Variants in SLC22A24 observed in about 807,000 individuals in gnomAD.
The protein encoded by SLC22A24 is solute carrier family 22 member 24, also known as steroid transmembrane transporter SLC22A24.
SLC22A24 carries 53 observed loss-of-function variants against 49.8 expected under a neutral mutation model. The ratio of observed to expected loss-of-function variants is 1.06; its 90% CI spans 0.85 to 1.34. The LOEUF is 1.34. Ranked by LOEUF, SLC22A24 falls within the 40% of genes most tolerant of loss-of-function variation. The probability of loss-of-function intolerance (pLI) is 0.00; values close to 1 mark genes in which losing one functional copy is unlikely to be tolerated. For missense variants in SLC22A24, 786 were observed against 675.9 expected (o/e 1.16, Z -1.81); for synonymous variants, 302 against 256.4 (o/e 1.18, Z -1.70).
In SLC22A24 at chr11:63,081,109, C is replaced by T; in HGVS notation, c.1409G>A (p.Gly470Glu). 6.4e-7 allele frequency: 1 copy of T among 1,551,506 alleles called. No individual in the cohort carries two copies. The highest frequency in any genetic ancestry group is 8.7e-7 in the Non-Finnish European group (1 of 1,146,854). The change falls in exon 9 of 10, where the codon GGA becomes GAA. Residue 470 changes from glycine to glutamate, a missense_variant. Transcript: ENST00000612278. The part of the protein sequence containing the change: ...VPTILRSTVA[G>E]INAVSGRTGA... Reference sequence around the variant, plus strand: ...AGTCCTACCGGACACTGCATTGATTCCTGCAACTGTTGACCTTAGAGTGCA... The same window carrying T: ...AGTCCTACCGGACACTGCATTGATTTCTGCAACTGTTGACCTTAGAGTGCA...
At chr11:63,091,841 C>T (rs1414104887) in intron 6 of SLC22A24, among the ~76,000 whole-genome samples, 5 of 152,124 alleles carry the variant, frequency 3.3e-5, no homozygotes, top group South Asian at 4.1e-4. Context: ...CTTTGAAAAC[C>T]GGCACAAGAC....
chr11:63,093,016 A>G (rs2087030386), intron 6 of SLC22A24, among the ~76,000 whole-genome samples: 1 of 152,220 alleles, frequency 6.6e-6, no homozygotes, highest in Admixed American at 6.5e-5. Flanking sequence ...CAACCCCATC[A>G]AAAAGTGGGC....
intron 5 of SLC22A24, among the ~76,000 whole-genome samples, chr11:63,101,789 A>G (rs751565801): frequency 6.6e-6 from 1 of 152,158 alleles, no homozygotes; most frequent in Non-Finnish European, 1.5e-5. Flanking sequence ...TTGCAGCAAC[A>G]TGGATGAAAC....
intron 2 of SLC22A24, among the ~76,000 whole-genome samples, chr11:63,133,431 A>C (rs977282304): frequency 1.3e-5 from 2 of 152,094 alleles, no homozygotes; most frequent in African/African-American, 4.8e-5. Context: ...AGCTATTCCT[A>C]TTCAGCCATC....
chr11:63,108,275 G>A (rs963386539), intron 4 of SLC22A24, among the ~76,000 whole-genome samples: 18 of 152,142 alleles, frequency 1.2e-4, no homozygotes, highest in Non-Finnish European at 2.1e-4. Flanking sequence ...TGCATCCCAG[G>A]GATGAAGCCG....
chr11:63,121,957 T>C (rs1188517404), intron 2 of SLC22A24, among the ~76,000 whole-genome samples: 1 of 152,076 alleles, frequency 6.6e-6, no homozygotes, highest in African/African-American at 2.4e-5. Context: ...AAGCCCTTTA[T>C]GGTGAAAGAT....
chr11:63,130,728 T>A (rs747905827), intron 2 of SLC22A24, among the ~76,000 whole-genome samples: 1 of 152,218 alleles, frequency 6.6e-6, no homozygotes, highest in Admixed American at 6.5e-5. Flanking sequence ...CAGGAATTTA[T>A]CAATTTCTTC....
intron 5 of SLC22A24, among the ~76,000 whole-genome samples, chr11:63,100,661 C>G (rs1054866183): frequency 6.6e-6 from 1 of 152,030 alleles, no homozygotes; most frequent in African/African-American, 2.4e-5. Context: ...CTAAATTATA[C>G]TACAGAGCTG....
chr11:63,101,466 AATT>A (rs2087090412), intron 5 of SLC22A24, among the ~76,000 whole-genome samples: 1 of 151,966 alleles, frequency 6.6e-6, no homozygotes, highest in Admixed American at 6.6e-5. Context: ...GCTGATATTC[AATT>A]ATTAATATCA....
rs541571393 is a variant in SLC22A24 at position 63,119,947 on chromosome 11, C to T, written c.507-612G>A. On this transcript the variant is annotated intron_variant, in intron 2 of 9. Coordinates refer to ENST00000612278, the MANE Select transcript of SLC22A24 (RefSeq NM_001136506.2). ...TTGAGAAGTGTCTGTTCATGTCCTT[C>T]GCCCACTTTTTGATGGGGTTGTTTG... Among the ~76,000 whole-genome samples the T allele has an allele frequency of 1.6e-3, 222 of 140,364 alleles. 1 individual carries two copies. The highest frequency in any genetic ancestry group is 3.8e-3 in the African/African-American group (154 of 40,480). 92.1% of individuals were successfully genotyped at this position (140,364 alleles called of 152,430 possible).
intron 4 of SLC22A24, among the ~76,000 whole-genome samples, chr11:63,113,711 C>T (rs1050365045): frequency 5.3e-5 from 8 of 151,720 alleles, no homozygotes; most frequent in South Asian, 4.2e-4. Flanking sequence ...AAAATTAGCT[C>T]GGCATAGTGG....
chr11:63,087,772 T>A (rs2086996233), intron 6 of SLC22A24, among the ~76,000 whole-genome samples: 1 of 152,148 alleles, frequency 6.6e-6, no homozygotes, highest in Admixed American at 6.5e-5. Context: ...GAGGCTTTAG[T>A]AGGCAGTTTT....
intron 1 of SLC22A24, among the ~76,000 whole-genome samples, chr11:63,135,154 T>C (rs1358067614): frequency 2.0e-5 from 3 of 152,132 alleles, no homozygotes; most frequent in Non-Finnish European, 2.9e-5. Context: ...TTTAAAAATA[T>C]ATAAAACCCC....
intron 6 of SLC22A24, among the ~76,000 whole-genome samples, chr11:63,095,249 A>G (rs1197665196): frequency 3.3e-5 from 5 of 152,034 alleles, no homozygotes; most frequent in Non-Finnish European, 2.9e-5. Flanking sequence ...ATTGATTGAT[A>G]GTTCACTATA....
intron 5 of SLC22A24, 148 bp downstream of exon 5, chr11:63,104,027 G>C (rs992227886): frequency 1.5e-6 from 1 of 651,608 alleles, no homozygotes; most frequent in African/African-American, 1.9e-5. Context: ...TCTTTGACAG[G>C]AGGAAAGATA....
chr11:63,125,078 A>G (rs986943551), intron 2 of SLC22A24, among the ~76,000 whole-genome samples: 10 of 151,786 alleles, frequency 6.6e-5, no homozygotes, highest in African/African-American at 2.4e-4. Context: ...CATTGTGCAC[A>G]TGTACCCTAA....
intron 6 of SLC22A24, among the ~76,000 whole-genome samples, chr11:63,090,471 C>G (rs1163707141): frequency 6.6e-6 from 1 of 152,046 alleles, no homozygotes; most frequent in Non-Finnish European, 1.5e-5. Context: ...AAACATTCCT[C>G]AGCAAATGCA....
At chr11:63,080,888 C>G in intron 9 of SLC22A24, 32 bp downstream of exon 9, 1 of 1,530,766 alleles carries the variant, frequency 6.5e-7, no homozygotes, top group South Asian at 1.2e-5. Flanking sequence ...TAGCCACTCC[C>G]CACTCAAGTG....
intron 4 of SLC22A24, among the ~76,000 whole-genome samples, chr11:63,114,062 A>C (rs954065786): frequency 2.0e-5 from 3 of 151,822 alleles, no homozygotes; most frequent in Non-Finnish European, 2.9e-5. Context: ...CTTCTTGAGG[A>C]GTATCTTTGT....
Sources: gnomAD v4.1 joint callset for allele counts (sites outside exome capture counted in the v4.1 genomes callset) on GRCh38, gnomAD v4.1.1 for gene constraint, MANE v1.5 for transcripts, NCBI Gene and HGNC (gene_info 2026-07-23, HGNC 2026-07-21) for gene names.